The following NBAS variants were observed in gnomAD, a reference collection of about 807,000 sequenced individuals.
NBAS encodes the protein NAG/BC035112 fusion.
Under a neutral mutation model 302.5 loss-of-function variants are expected in NBAS, and 219 were observed. The ratio of observed to expected loss-of-function variants is 0.72; its 90% CI spans 0.65 to 0.81. The LOEUF (loss-of-function observed/expected upper bound fraction) is 0.81. Among genes scored for constraint, NBAS ranks in the 30% least tolerant of loss-of-function variants. The pLI, the probability that NBAS is intolerant of heterozygous loss-of-function variation, is 0.00. For synonymous variants in NBAS, 1,118 were observed against 1,021.6 expected (o/e 1.09, Z -1.80); for missense variants, 2,932 against 2,841.6 (o/e 1.03, Z -0.72).
At chr2:14,867,635 A>G in the NBAS span, among the ~76,000 whole-genome samples, 5 of 152,210 alleles carry the variant, frequency 3.3e-5, no homozygotes, top group African/African-American at 9.6e-5. Context: ...GTTATCATTA[A>G]TTAGAATATG....
At chr2:15,247,259 C>T (rs1451486299) in intron 44 of NBAS, among the ~76,000 whole-genome samples, 2 of 152,120 alleles carry the variant, frequency 1.3e-5, no homozygotes, top group Admixed American at 1.3e-4. Context: ...AAAGAAACAA[C>T]CAGTACCAGC....
At chr2:15,389,552 A>G (rs1675485749) in intron 28 of NBAS, among the ~76,000 whole-genome samples, 1 of 152,230 alleles carries the variant, frequency 6.6e-6, no homozygotes, top group Non-Finnish European at 1.5e-5. Flanking sequence ...AGTCAAGATA[A>G]TTTCCTAATA....
chr2:15,427,611 C>T, intron 22 of NBAS, 100 bp downstream of exon 22: 1 of 971,520 alleles, frequency 1.0e-6, no homozygotes, highest in South Asian at 1.4e-5. Flanking sequence ...TAGGGAGTGT[C>T]ATCAAGTAAG....
At chr2:15,345,786 TG>T (rs1558256419) in intron 35 of NBAS, among the ~76,000 whole-genome samples, 1 of 152,164 alleles carries the variant, frequency 6.6e-6, no homozygotes, top group African/African-American at 2.4e-5. Context: ...CAAAACAGCA[TG>T]GTCCTGGTAC....
chr2:15,242,983 G>T (rs964817571), intron 44 of NBAS, among the ~76,000 whole-genome samples: 1 of 152,100 alleles, frequency 6.6e-6, no homozygotes, highest in African/African-American at 2.4e-5. Flanking sequence ...TAGTGAGAAG[G>T]GGGTGGAGGG....
At chr2:14,986,766 T>G in the NBAS span, among the ~76,000 whole-genome samples, 8 of 152,112 alleles carry the variant, frequency 5.3e-5, no homozygotes, top group Non-Finnish European at 1.2e-4. Context: ...GTGGCTATTT[T>G]AATACTTGGA....
intron 35 of NBAS, among the ~76,000 whole-genome samples, chr2:15,342,390 T>C (rs991698844): frequency 2.6e-5 from 4 of 152,164 alleles, no homozygotes; most frequent in Admixed American, 2.6e-4. Context: ...ATGGTCTATA[T>C]GGAATCACAA....
chr2:15,191,859 C>T (rs1314432779), intron 48 of NBAS, among the ~76,000 whole-genome samples: 1 of 152,132 alleles, frequency 6.6e-6, no homozygotes, highest in African/African-American at 2.4e-5. Flanking sequence ...CCGACCTCAC[C>T]ACCTTCAACC....
intron 44 of NBAS, among the ~76,000 whole-genome samples, chr2:15,247,685 T>C (rs1668158260): frequency 6.6e-6 from 1 of 150,486 alleles, no homozygotes; most frequent in African/African-American, 2.4e-5. Flanking sequence ...TCTCTCTATA[T>C]ATATATCTAT....
chr2:15,327,862 C>T lies in NBAS; in HGVS notation c.4470G>A (p.Gly1490=). Residue 1490 remains glycine (G), a synonymous_variant, in exon 38 of 52, where the codon GGG becomes GGA. Transcript: ENST00000281513. ...GAACATGCTGATAGGTGTCATAGGTCCCTTCAGACTACACAAAAGAAGCAG... is the reference window on the plus strand; with the variant it reads ...GAACATGCTGATAGGTGTCATAGGTTCCTTCAGACTACACAAAAGAAGCAG... The part of the protein sequence containing the change: ...ISNPFVAESE[G]TYDTYQHVPV... 1 of 1,613,532 alleles carries T rather than the reference C, an allele frequency of 6.2e-7. No homozygotes were observed. Among genetic ancestry groups the T allele is most frequent in the Non-Finnish European group, 8.5e-7 (1 of 1,179,742 alleles).
the NBAS span, among the ~76,000 whole-genome samples, chr2:14,913,862 G>T: frequency 6.6e-6 from 1 of 152,188 alleles, no homozygotes; most frequent in Admixed American, 6.5e-5. Context: ...CATCCCATTG[G>T]TGATGAAGGG....
At chr2:14,993,016 G>T in the NBAS span, among the ~76,000 whole-genome samples, 560 of 152,276 alleles carry the variant, frequency 3.7e-3, 3 homozygotes, top group Admixed American at 5.8e-3. Context: ...TATAATGTTT[G>T]TGAGAAACTG....
chr2:15,061,306 T>G, the NBAS span, among the ~76,000 whole-genome samples: 1 of 152,326 alleles, frequency 6.6e-6, no homozygotes, highest in African/African-American at 2.4e-5. Context: ...TCAACCTGCA[T>G]CCCAGGTTTG....
intron 48 of NBAS, among the ~76,000 whole-genome samples, chr2:15,194,397 C>T (rs915444873): frequency 6.6e-6 from 1 of 152,022 alleles, no homozygotes; most frequent in East Asian, 1.9e-4. Context: ...GGAAGTGTCG[C>T]ATTTTTTCAA....
At chr2:15,353,443 A>C in intron 34 of NBAS, 110 bp downstream of exon 34, 1 of 1,335,176 alleles carries the variant, frequency 7.5e-7, no homozygotes, top group Non-Finnish European at 1.1e-6. Context: ...GTTTTCTTCC[A>C]TAAATTAAAA....
At chr2:14,830,291 C>T in the NBAS span, among the ~76,000 whole-genome samples, 1 of 150,574 alleles carries the variant, frequency 6.6e-6, no homozygotes, top group Non-Finnish European at 1.5e-5. Context: ...CATAATTAGC[C>T]TCATGTAATT....
At chr2:14,864,126 G>C in the NBAS span, among the ~76,000 whole-genome samples, 6 of 152,138 alleles carry the variant, frequency 3.9e-5, no homozygotes, top group East Asian at 1.2e-3. Flanking sequence ...AGACCAGCCT[G>C]GCCGTCATGG....
chr2:14,970,943 G>T, the NBAS span, among the ~76,000 whole-genome samples: 6 of 152,178 alleles, frequency 3.9e-5, no homozygotes, highest in African/African-American at 1.4e-4. Context: ...AGCCAGCAGA[G>T]TGGTAATATT....
intron 38 of NBAS, among the ~76,000 whole-genome samples, chr2:15,315,265 G>A (rs964491204): frequency 7.2e-5 from 11 of 152,164 alleles, no homozygotes; most frequent in African/African-American, 2.2e-4. Context: ...AAGAAGTTGG[G>A]TTTGGTTGAT....
Sources: allele counts gnomAD v4.1 joint callset (sites outside exome capture counted in the v4.1 genomes callset), GRCh38; gene constraint gnomAD v4.1.1; transcripts MANE v1.5; gene names NCBI Gene and HGNC (gene_info 2026-07-23, HGNC 2026-07-21).